The following MAP3K15 variants were observed in gnomAD, a reference collection of about 807,000 sequenced individuals.
MAP3K15 encodes MAPK/ERK kinase kinase 15.
A neutral mutation model predicts 99.5 loss-of-function variants in MAP3K15; 124 were observed. That is an observed-to-expected ratio of 1.25 (90% CI 1.08 to 1.45). The LOEUF is 1.45. MAP3K15 is among the 40% of genes most tolerant of loss of function. MAP3K15 has a pLI of 0.00. For missense variants in MAP3K15, 1,242 were observed against 1,079.7 expected (o/e 1.15, Z -2.11); for synonymous variants, 494 against 439.6 (o/e 1.12, Z -1.55).
intron 12 of MAP3K15, among the ~76,000 whole-genome samples, chrX:19,408,954 T>C (rs1027115413): frequency 8.9e-6 from 1 of 112,449 alleles, no homozygotes; most frequent in African/African-American, 3.2e-5. Context: ...TTCCTTTTCA[T>C]GAGACTATAA....
In MAP3K15 at chrX:19,416,373, C is replaced by A. The variant is rs754627096; in HGVS notation, c.1440-1116G>T. 2.2e-4 allele frequency among the ~76,000 whole-genome samples: 24 copies of A among 111,103 alleles called. 1 individual carries two copies. Among genetic ancestry groups the A allele is most frequent in the Non-Finnish European group, 3.4e-4 (18 of 53,007 alleles). Reference sequence around the variant, plus strand: ...AAAAAAAAACTTCCACCGTGTGAGACTGATCATTTTTGCATGAGAAGTTCG... The same window carrying A: ...AAAAAAAAACTTCCACCGTGTGAGAATGATCATTTTTGCATGAGAAGTTCG... On this transcript the variant is annotated intron_variant, in intron 9 of 28. Coordinates refer to ENST00000338883, the MANE Select transcript of MAP3K15 (RefSeq NM_001001671.4).
At chrX:19,422,440 C>T (rs1384709520) in intron 9 of MAP3K15, among the ~76,000 whole-genome samples, 5 of 111,956 alleles carry the variant, frequency 4.5e-5, no homozygotes, top group Non-Finnish European at 9.4e-5. Context: ...ATGATCATCA[C>T]TGGCCATCAG....
chrX:19,372,156 A>AAAC (rs56963489), intron 22 of MAP3K15, among the ~76,000 whole-genome samples: 16,675 of 108,346 alleles, frequency 0.15, 2,595 homozygotes, highest in African/African-American at 0.46. Flanking sequence ...AAAGATTAAA[A>AAAC]AACAATAATA....
At chrX:19,500,319 G>T (rs766319351) in intron 1 of MAP3K15, among the ~76,000 whole-genome samples, 1 of 111,984 alleles carries the variant, frequency 8.9e-6, no homozygotes, top group South Asian at 3.7e-4. Context: ...AGGTAAAGAA[G>T]AAATGAGAAC....
chrX:19,499,760 C>T, intron 1 of MAP3K15, among the ~76,000 whole-genome samples: 1 of 111,539 alleles, frequency 9.0e-6, no homozygotes. Flanking sequence ...GAGATGACAG[C>T]AGATCAGTCA....
chrX:19,461,872 T>A (rs947350441), intron 4 of MAP3K15, among the ~76,000 whole-genome samples: 2 of 110,365 alleles, frequency 1.8e-5, no homozygotes, highest in Non-Finnish European at 3.8e-5. Flanking sequence ...GTGCCTGTAA[T>A]CCCAGCTACT....
At chrX:19,472,254 A>G (rs2064213231) in intron 3 of MAP3K15, among the ~76,000 whole-genome samples, 1 of 105,244 alleles carries the variant, frequency 9.5e-6, no homozygotes, top group East Asian at 2.9e-4. Context: ...TAATAATAAT[A>G]ATAATAATAA....
At chrX:19,364,069 G>A (rs2063317393) in intron 25 of MAP3K15, among the ~76,000 whole-genome samples, 1 of 112,028 alleles carries the variant, frequency 8.9e-6, no homozygotes, top group South Asian at 3.7e-4. Context: ...CAGAATCCAG[G>A]ACTGTGCCAA....
intron 6 of MAP3K15, among the ~76,000 whole-genome samples, chrX:19,455,029 C>G (rs1007596076): frequency 2.7e-5 from 3 of 111,569 alleles, no homozygotes; most frequent in Non-Finnish European, 5.6e-5. Flanking sequence ...AAGCCTAAAG[C>G]AAAAATGTGA....
intron 9 of MAP3K15, among the ~76,000 whole-genome samples, chrX:19,418,311 G>A (rs376893667): frequency 3.6e-5 from 4 of 110,736 alleles, no homozygotes; most frequent in Admixed American, 1.9e-4. Context: ...TTAGACAAAC[G>A]GCTAACTAGA....
At chrX:19,419,571 C>T (rs1474446106) in intron 9 of MAP3K15, among the ~76,000 whole-genome samples, 1 of 111,088 alleles carries the variant, frequency 9.0e-6, no homozygotes, top group African/African-American at 3.3e-5. Context: ...GAGACTTAGA[C>T]TCCCACACAA....
intron 25 of MAP3K15, among the ~76,000 whole-genome samples, chrX:19,365,073 G>A (rs774472232): frequency 5.5e-5 from 6 of 108,533 alleles, no homozygotes; most frequent in Admixed American, 2.0e-4. Context: ...TTGTGGTGGC[G>A]TGCGCCTGTA....
At chrX:19,398,683 A>C (rs1428679116) in intron 14 of MAP3K15, among the ~76,000 whole-genome samples, 2 of 112,320 alleles carry the variant, frequency 1.8e-5, no homozygotes, top group Non-Finnish European at 1.9e-5. Context: ...AGCATGTTGA[A>C]TAACCCAACT....
At chrX:19,414,996 A>T in intron 10 of MAP3K15, 111 bp downstream of exon 10, 1 of 687,002 alleles carries the variant, frequency 1.5e-6, no homozygotes, top group Non-Finnish European at 2.1e-6. Flanking sequence ...TTATCCCAAC[A>T]TTTAAAATTA....
intron 24 of MAP3K15, among the ~76,000 whole-genome samples, 195 bp from the exon 25 acceptor site, chrX:19,369,414 G>T (rs1364132188): frequency 9.0e-6 from 1 of 111,667 alleles, no homozygotes; most frequent in Non-Finnish European, 1.9e-5. Context: ...AGTTGATCAC[G>T]CCAGTTTCCA....
At chrX:19,438,864 TTCAC>T (rs1224779662) in intron 6 of MAP3K15, among the ~76,000 whole-genome samples, 1 of 111,984 alleles carries the variant, frequency 8.9e-6, no homozygotes, top group Non-Finnish European at 1.9e-5. Context: ...GTGAAAGGTC[TTCAC>T]TCCTGTAGTG....
Position 19,360,780 on chromosome X carries a change from T to A in MAP3K15, c.3911A>T (p.Gln1304Leu). The A allele has an allele frequency of 1.7e-6, 2 of 1,209,780 alleles. No individual in the cohort carries two copies. The highest frequency in any genetic ancestry group is 2.2e-6 in the Non-Finnish European group (2 of 894,532). ...WSAVSQYRRA[Q>L]EASETKDKA ...CTTGTCTTTGGTTTCTGAGGCCTCC[T>A]GAGCCCTTCTGTACTGGGAGACCGC... Residue 1304 changes from glutamine (Q) to leucine (L), a missense_variant, in exon 29 of 29, where the codon CAG becomes CTG. By Grantham distance (113) the Gln-to-Leu change is moderately radical. Coordinates refer to ENST00000338883, the MANE Select transcript of MAP3K15 (RefSeq NM_001001671.4).
intron 6 of MAP3K15, among the ~76,000 whole-genome samples, chrX:19,435,746 A>AT (rs1372768499): frequency 3.6e-5 from 4 of 112,459 alleles, no homozygotes; most frequent in Non-Finnish European, 5.6e-5. Flanking sequence ...AAGCCTACAG[A>AT]TAAAAACTCC....
chrX:19,443,212 T>C (rs2063972559), intron 6 of MAP3K15, among the ~76,000 whole-genome samples: 1 of 105,457 alleles, frequency 9.5e-6, no homozygotes, highest in Non-Finnish European at 1.9e-5. Flanking sequence ...TTTGTATTTT[T>C]AGTAGAAACG....
Sources: gnomAD v4.1 joint callset for allele counts (sites outside exome capture counted in the v4.1 genomes callset) on GRCh38, gnomAD v4.1.1 for gene constraint, MANE v1.5 for transcripts, NCBI Gene and HGNC (gene_info 2026-07-23, HGNC 2026-07-21) for gene names.